Variants in CSGALNACT1 observed in about 807,000 individuals in gnomAD.
CSGALNACT1 encodes chondroitin sulfate N-acetylgalactosaminyltransferase 1, also known as beta4GalNAcT-1.
CSGALNACT1 carries 52 observed loss-of-function variants against 51.0 expected under a neutral mutation model. That is an observed-to-expected ratio of 1.02 (90% confidence interval 0.82 to 1.29). The LOEUF is 1.29. CSGALNACT1 is among the 50% of genes most tolerant of loss of function. The pLI is 0.00. For missense variants in CSGALNACT1, 935 were observed against 679.2 expected, an observed-to-expected ratio of 1.38 and a Z score of -4.19; for synonymous variants, 341 against 254.4, an observed-to-expected ratio of 1.34 and a Z score of -3.24.
intron 1 of CSGALNACT1, among the ~76,000 whole-genome samples, chr8:19,650,640 C>T (rs754441578): frequency 2.6e-5 from 4 of 152,152 alleles, no homozygotes; most frequent in Admixed American, 6.5e-5. Flanking sequence ...GAGGCCAGCA[C>T]AGTGGGGACG....
chr8:19,415,252 C>G (rs4922023), intron 8 of CSGALNACT1, among the ~76,000 whole-genome samples: 129,445 of 152,232 alleles, frequency 0.85, 55,205 homozygotes, highest in East Asian at 1. Context: ...CTTCTCCTCT[C>G]GCACCTAGGC....
chr8:19,537,433 G>C (rs541519879), intron 3 of CSGALNACT1, among the ~76,000 whole-genome samples: 1 of 152,272 alleles, frequency 6.6e-6, no homozygotes, highest in African/African-American at 2.4e-5. Flanking sequence ...ACCTTGAAGA[G>C]GCATAAATCT....
At chr8:19,522,286 C>T (rs2080888125) in intron 3 of CSGALNACT1, among the ~76,000 whole-genome samples, 1 of 152,016 alleles carries the variant, frequency 6.6e-6, no homozygotes, top group Admixed American at 6.6e-5. Context: ...AGGTACAGAG[C>T]TGGTAGAAAG....
intron 1 of CSGALNACT1, among the ~76,000 whole-genome samples, chr8:19,667,016 A>AAAGGAAGGAAGG (rs71205941): frequency 9.2e-5 from 4 of 43,474 alleles, no homozygotes; most frequent in East Asian, 5.3e-4. Flanking sequence ...AGAAAGAAAG[A>AAAGGAAGGAAGG]AAGGAAGGAA....
upstream of CSGALNACT1, among the ~76,000 whole-genome samples, chr8:19,604,913 T>TC (rs2051144055): frequency 1.1e-5 from 1 of 91,632 alleles, no homozygotes; most frequent in South Asian, 3.4e-4. Flanking sequence ...AGACTCTGTC[T>TC]CAAAAAAAAA....
At chr8:19,448,798 TA>T (rs2153792115) in intron 5 of CSGALNACT1, among the ~76,000 whole-genome samples, 1 of 152,340 alleles carries the variant, frequency 6.6e-6, no homozygotes, top group East Asian at 1.9e-4. Context: ...AATACCTATT[TA>T]GGCTTTAAGT....
intron 3 of CSGALNACT1, among the ~76,000 whole-genome samples, chr8:19,507,084 A>G (rs759931990): frequency 7.9e-5 from 12 of 152,164 alleles, no homozygotes; most frequent in Non-Finnish European, 1.5e-5. Context: ...GTTCAAATAT[A>G]CAAATAATAA....
chr8:19,486,489 C>T (rs1157475026), intron 4 of CSGALNACT1, among the ~76,000 whole-genome samples: 5 of 152,132 alleles, frequency 3.3e-5, no homozygotes, highest in African/African-American at 4.8e-5. Flanking sequence ...GACCTCATCT[C>T]CTCCTTTTCT....
chr8:19,574,352 A>C (rs899042264), intron 3 of CSGALNACT1, among the ~76,000 whole-genome samples: 1 of 152,136 alleles, frequency 6.6e-6, no homozygotes, highest in African/African-American at 2.4e-5. Context: ...TCTTGCAACA[A>C]CTTCCACAGC....
At chr8:19,612,782 CTT>C (rs1178703824) in intron 1 of CSGALNACT1, among the ~76,000 whole-genome samples, 2 of 151,786 alleles carry the variant, frequency 1.3e-5, no homozygotes. Flanking sequence ...GCTATTCTCT[CTT>C]TGCACTAAAA....
At chr8:19,692,477 G>C (rs544881479) in intron 1 of CSGALNACT1, among the ~76,000 whole-genome samples, 19 of 152,302 alleles carry the variant, frequency 1.2e-4, no homozygotes, top group African/African-American at 4.3e-4. Flanking sequence ...TGGTAAGGGA[G>C]ATAGATGGTG....
chr8:19,732,280 T>C (rs2063734509), intron 1 of CSGALNACT1, among the ~76,000 whole-genome samples: 1 of 152,234 alleles, frequency 6.6e-6, no homozygotes. Context: ...TTTCCTGACA[T>C]GCAGAAGTTA....
intron 1 of CSGALNACT1, among the ~76,000 whole-genome samples, chr8:19,622,276 C>T (rs1377292005): frequency 1.3e-5 from 2 of 152,058 alleles, no homozygotes; most frequent in Non-Finnish European, 2.9e-5. Flanking sequence ...TAAATATATC[C>T]ATGTTTGAAG....
At chr8:19,734,407 T>C (rs2063852456) in intron 1 of CSGALNACT1, among the ~76,000 whole-genome samples, 1 of 152,206 alleles carries the variant, frequency 6.6e-6, no homozygotes, top group Admixed American at 6.5e-5. Flanking sequence ...TGCCTCATGA[T>C]ATTGCACCCA....
chr8:19,725,417 T>C (rs2063343548), intron 1 of CSGALNACT1, among the ~76,000 whole-genome samples: 1 of 151,560 alleles, frequency 6.6e-6, no homozygotes, highest in Admixed American at 6.6e-5. Context: ...TTTTCTTTTT[T>C]CTTTTTTCTT....
chr8:19,472,704 T>C (rs13261732), intron 4 of CSGALNACT1, among the ~76,000 whole-genome samples: 63,849 of 152,050 alleles, frequency 0.42, 14,855 homozygotes, highest in East Asian at 0.86. Context: ...CTTCCTTTCT[T>C]TTTGAGACTG....
In CSGALNACT1 at chr8:19,490,610, C is replaced by T. The variant is rs768776446; in HGVS notation, c.634+14591G>A. ...GAGCCAACTGATAAATCCACACCAG[C>T]TTAGTGCTATATGCTGATTGGTTCT... On this transcript the variant is annotated intron_variant, in intron 4 of 9. Coordinates refer to ENST00000454498, the Ensembl canonical transcript of CSGALNACT1. 2.6e-5 allele frequency among the ~76,000 whole-genome samples: 4 copies of T among 152,300 alleles called. No individual in the cohort carries two copies. The Middle Eastern group carries it at 0.01, about 389-fold the overall frequency.
intron 3 of CSGALNACT1, among the ~76,000 whole-genome samples, chr8:19,568,348 A>T (rs1167415302): frequency 6.6e-6 from 1 of 152,176 alleles, no homozygotes; most frequent in African/African-American, 2.4e-5. Context: ...ATATCAAAAA[A>T]TAGAAAAGGC....
chr8:19,720,477 A>G (rs377586827), intron 1 of CSGALNACT1, among the ~76,000 whole-genome samples: 43 of 152,216 alleles, frequency 2.8e-4, no homozygotes, highest in African/African-American at 9.6e-4. Context: ...GCCACTTCAC[A>G]CTAAAATATC....
Sources: gnomAD v4.1 joint callset for allele counts (sites outside exome capture counted in the v4.1 genomes callset) on GRCh38, gnomAD v4.1.1 for gene constraint, MANE v1.5 for transcripts, NCBI Gene and HGNC (gene_info 2026-07-23, HGNC 2026-07-21) for gene names.